Variants in ARID5B observed in about 807,000 individuals in gnomAD.
ARID5B encodes the protein AT-rich interactive domain-containing protein 5B.
A neutral mutation model predicts 97.2 loss-of-function variants in ARID5B; 13 were observed. The observed-to-expected ratio is 0.13, with a 90% CI of 0.09 to 0.21. The LOEUF (loss-of-function observed/expected upper bound fraction) is 0.21, where lower values mean the gene tolerates loss of function less well. Ranked by LOEUF, ARID5B falls within the 10% of genes least tolerant of loss-of-function variation. ARID5B has a pLI of 1.00. For missense variants in ARID5B, 1,210 were observed against 1,465.3 expected (o/e 0.83, Z 2.84); for synonymous variants, 556 against 570.3 (o/e 0.97, Z 0.36).
Position 61,961,495 on chromosome 10 carries a change from G to T in ARID5B, c.502+21087G>T, listed in dbSNP as rs573909984. Among the ~76,000 whole-genome samples the T allele has an allele frequency of 2.6e-5, 4 of 152,282 alleles. No homozygotes were observed. In the South Asian group the frequency reaches 8.3e-4, roughly 32 times the overall value. ...AGAAAGGGTTGGAACCGGTTGCGCTGAATTAATCTATAGGCTCAGAAGTGT... is the reference window on the plus strand; with the variant it reads ...AGAAAGGGTTGGAACCGGTTGCGCTTAATTAATCTATAGGCTCAGAAGTGT... On this transcript the variant is annotated intron_variant, in intron 3 of 9. Coordinates refer to ENST00000279873, the MANE Select transcript of ARID5B (RefSeq NM_032199.3).
chr10:62,003,584 A>G (rs907182698), intron 4 of ARID5B, among the ~76,000 whole-genome samples: 5 of 152,122 alleles, frequency 3.3e-5, no homozygotes, highest in East Asian at 3.8e-4. Context: ...TCTAGTCACT[A>G]TCCTTTGGGT....
rs1027847460 is a variant in ARID5B at position 61,901,783 on chromosome 10, A to G, written c.21+53A>G. On this transcript the variant is annotated intron_variant, in intron 1 of 9. Coordinates refer to ENST00000279873, the MANE Select transcript of ARID5B (RefSeq NM_032199.3). ...TCCCGGCACCCCCCGGCACCCCCCA[A>G]CCCCCCAGCTCACCCACACCTCTGC... 7.7e-6 allele frequency: 10 copies of G among 1,306,228 alleles called. No individual in the cohort carries two copies. In the Admixed American group the frequency reaches 1.3e-4, roughly 17 times the overall value. 80.9% of individuals were successfully genotyped at this position (1,306,228 alleles called of 1,614,324 possible).
intron 3 of ARID5B, among the ~76,000 whole-genome samples, chr10:61,962,038 C>T (rs916897280): frequency 1.3e-5 from 2 of 152,296 alleles, no homozygotes; most frequent in East Asian, 3.9e-4. Flanking sequence ...CGTGAGCCAT[C>T]GCACCCGGCC....
chr10:62,018,443 T>C (rs1463695256), intron 4 of ARID5B, among the ~76,000 whole-genome samples: 5 of 152,194 alleles, frequency 3.3e-5, no homozygotes, highest in African/African-American at 1.2e-4. Context: ...TAAAGACTTT[T>C]AAATGAACTG....
intron 8 of ARID5B, among the ~76,000 whole-genome samples, chr10:62,082,213 A>G (rs1437075593): frequency 1.3e-5 from 2 of 152,220 alleles, no homozygotes; most frequent in Non-Finnish European, 2.9e-5. Context: ...TTAATACATA[A>G]TGGCTTACCT....
In ARID5B at chr10:62,057,184, A is replaced by G. The variant is rs1237314520; in HGVS notation, c.914A>G (p.Asn305Ser). The G allele has an allele frequency of 6.2e-7, 1 of 1,613,616 alleles. No homozygotes were observed. The highest frequency in any genetic ancestry group is 1.3e-5 in the African/African-American group (1 of 74,872). The change falls in exon 6 of 10, where the codon AAT (asparagine) becomes AGT (serine). Residue 305 changes from asparagine (N) to serine (S), a missense_variant. Physicochemically the swap from Asn to Ser is conservative, Grantham distance 46. Transcript: ENST00000279873. ...AACCATAACTGTAAAAAAGTCTCAA[A>G]TGAAGAAAAACCAAAGGTTGCCATT... ...KNNHNCKKVS[N>S]EEKPKVAIGE...
At chr10:61,903,212 C>T (rs568150709) in intron 2 of ARID5B, among the ~76,000 whole-genome samples, 25 of 151,988 alleles carry the variant, frequency 1.6e-4, no homozygotes, top group Non-Finnish European at 2.9e-4. Context: ...TGTGTGCTCG[C>T]CCACTGGCCC....
chr10:62,089,817 C>G (rs1324138382), intron 9 of ARID5B, among the ~76,000 whole-genome samples: 1 of 152,118 alleles, frequency 6.6e-6, no homozygotes, highest in Non-Finnish European at 1.5e-5. Flanking sequence ...CACATCTTTT[C>G]TTAACAGAGA....
chr10:62,004,593 CA>C, intron 4 of ARID5B, among the ~76,000 whole-genome samples: 1 of 152,342 alleles, frequency 6.6e-6, no homozygotes, highest in East Asian at 1.9e-4. Context: ...CATTCTCCAA[CA>C]ACCCCTACCT....
intron 4 of ARID5B, chr10:62,024,822 G>A (rs1025704373): frequency 5.4e-6 from 2 of 373,594 alleles, no homozygotes; most frequent in East Asian, 7.4e-5. Flanking sequence ...TTCTTTTCGG[G>A]TTCTGAAATG....
At chr10:62,042,900 G>T (rs1448027894) in intron 4 of ARID5B, among the ~76,000 whole-genome samples, 1 of 130,160 alleles carries the variant, frequency 7.7e-6, no homozygotes, top group Non-Finnish European at 1.6e-5. Context: ...GGGTGAAAGA[G>T]CGAGAGTCTG....
chr10:62,000,288 C>G lies in ARID5B; in HGVS notation c.700C>G (p.Leu234Val). 1.2e-6 allele frequency: 2 copies of G among 1,612,638 alleles called. No homozygotes were observed. The highest frequency in any genetic ancestry group is 1.7e-6 in the Non-Finnish European group (2 of 1,179,462). ...YCRDTFDHPT[L>V]IENESICDEF... ...TCGGGACACCTTTGACCACCCGACT[C>G]TCATAGAAAACGAGAGTATATGCGA... The change falls in exon 4 of 10, where the codon CTC becomes GTC. Residue 234 changes from leucine (L) to valine (V), a missense_variant. By Grantham distance (32) the Leu-to-Val change is conservative (BLOSUM62 1). This residue lies in a region of ARID5B where 132 missense variants were observed against 156.7 expected (regional missense o/e 0.84). Transcript: ENST00000279873. This position sits in a 1 kb window ranked among gnomAD's most constrained non-coding sequence, Gnocchi z 4.4.
chr10:61,936,845 C>T, intron 2 of ARID5B, among the ~76,000 whole-genome samples: 1 of 18,268 alleles, frequency 5.5e-5, no homozygotes, highest in South Asian at 2.5e-3. Flanking sequence ...TTTTTTCTTC[C>T]CCAAAAAAAA....
At chr10:61,974,145 G>C (rs1326595367) in intron 3 of ARID5B, among the ~76,000 whole-genome samples, 1 of 152,152 alleles carries the variant, frequency 6.6e-6, no homozygotes, top group East Asian at 1.9e-4. Context: ...AAAGGGAGAG[G>C]TTTTGACAAC....
At chr10:62,043,210 A>G (rs1839663934) in intron 4 of ARID5B, among the ~76,000 whole-genome samples, 3 of 152,112 alleles carry the variant, frequency 2.0e-5, no homozygotes, top group Admixed American at 1.3e-4. Context: ...CTCTTTTCCT[A>G]TTTCCAGAAT....
chr10:62,086,731 C>T (rs868475314), intron 9 of ARID5B, among the ~76,000 whole-genome samples: 1 of 144,284 alleles, frequency 6.9e-6, no homozygotes, highest in African/African-American at 2.6e-5. Context: ...ATGGTGGTGC[C>T]CCGCTGTGGT....
chr10:61,909,723 A>C, intron 2 of ARID5B, among the ~76,000 whole-genome samples: 1 of 152,182 alleles, frequency 6.6e-6, no homozygotes, highest in East Asian at 1.9e-4. Flanking sequence ...TTTCTGGCAG[A>C]TGACCAGTGA....
rs1840369092 is a variant in ARID5B, at chr10:62,091,351, G to T, written c.1888G>T (p.Val630Leu). 1 of 1,614,186 alleles carries T rather than the reference G, an allele frequency of 6.2e-7. No individual in the cohort carries two copies. Among genetic ancestry groups the T allele is most frequent in the Non-Finnish European group, 8.5e-7 (1 of 1,180,026 alleles). Residue 630 changes from valine (V) to leucine (L), a missense_variant, in exon 10 of 10, where the codon GTG becomes TTG. By Grantham distance (32) the Val-to-Leu change is conservative. Transcript: ENST00000279873. Reference sequence around the variant, plus strand: ...TTACATTGCCAACTGCACCGTGAAGGTGGACCAGCTGGGCAGTGACGACAT... The same window carrying T: ...TTACATTGCCAACTGCACCGTGAAGTTGGACCAGCTGGGCAGTGACGACAT... ...ADYIANCTVK[V>L]DQLGSDDIHN...
chr10:61,907,861 A>T (rs1843732203), intron 2 of ARID5B, among the ~76,000 whole-genome samples: 1 of 152,278 alleles, frequency 6.6e-6, no homozygotes. Context: ...CAGTTACCAG[A>T]TCGCTGACAA....
Sources: gnomAD v4.1 joint callset for allele counts (sites outside exome capture counted in the v4.1 genomes callset) on GRCh38, gnomAD v4.1.1 for gene constraint, gnomAD v4.1.1 regional missense constraint, Gnocchi (gnomAD v3.1) non-coding constraint, MANE v1.5 for transcripts, NCBI Gene and HGNC (gene_info 2026-07-23, HGNC 2026-07-21) for gene names.